Variants in PARD3B observed in about 807,000 individuals in gnomAD.
PARD3B encodes the protein par-3 family cell polarity regulator beta, also known as partitioning defective 3 homolog B.
A neutral mutation model predicts 130.2 loss-of-function variants in PARD3B; 103 were observed. The ratio of observed to expected loss-of-function variants is 0.79; its 90% CI spans 0.67 to 0.93. PARD3B has a LOEUF of 0.93. PARD3B is among the 40% of genes least tolerant of loss of function. PARD3B has a pLI of 0.00. For synonymous variants in PARD3B, 583 were observed against 553.2 expected, an observed-to-expected ratio of 1.05 and a Z score of -0.76; for missense variants, 1,609 against 1,499.2, an observed-to-expected ratio of 1.07 and a Z score of -1.21.
rs1047177201 is a variant in PARD3B, at chr2:205,325,101, C to A, written c.2630+23400C>A. ...ATTTCTCCCCAAATTAAAGCAATGA[C>A]CTTCTGAATAGTCTTGATATTCTCT... is the stretch of plus-strand genomic sequence containing the variant. On this transcript the variant is annotated intron_variant, in intron 18 of 22. Coordinates refer to ENST00000406610, the MANE Select transcript of PARD3B (RefSeq NM_001302769.2). The surrounding 1 kb of genome is among the most constrained non-coding windows in gnomAD (Gnocchi z 4.1). Among the ~76,000 whole-genome samples the A allele has an allele frequency of 6.6e-6, 1 of 152,122 alleles. No individual in the cohort carries two copies. The highest frequency in any genetic ancestry group is 2.4e-5 in the African/African-American group (1 of 41,436).
At chr2:204,742,260 AT>A (rs1314918970) in intron 2 of PARD3B, among the ~76,000 whole-genome samples, 1 of 152,210 alleles carries the variant, frequency 6.6e-6, no homozygotes, top group Non-Finnish European at 1.5e-5. Context: ...GTATATGTAC[AT>A]AGTCACATAT....
chr2:204,631,161 A>G (rs946774171), intron 1 of PARD3B, among the ~76,000 whole-genome samples: 2 of 151,722 alleles, frequency 1.3e-5, no homozygotes, highest in Non-Finnish European at 1.5e-5. Flanking sequence ...TCTTTTTCTC[A>G]TTAGTTTCAA....
chr2:204,966,313 A>G (rs1691243968), intron 3 of PARD3B, among the ~76,000 whole-genome samples: 1 of 152,186 alleles, frequency 6.6e-6, no homozygotes, highest in Admixed American at 6.5e-5. Flanking sequence ...ATGGAAATTA[A>G]TGACCTATGG....
chr2:205,523,817 TTTTTTTTTTTTTTTTTTGAGTAA>T (rs1318259677), intron 21 of PARD3B, among the ~76,000 whole-genome samples: 5 of 47,564 alleles, frequency 1.1e-4, no homozygotes, highest in African/African-American at 3.1e-4. Flanking sequence ...CTGATAACCT[TTTTTTTTTTTTTTTTTTGAGTAA>T]TTTTAGTTCA....
At chr2:204,835,817 G>A (rs1008826771) in intron 2 of PARD3B, among the ~76,000 whole-genome samples, 1 of 152,202 alleles carries the variant, frequency 6.6e-6, no homozygotes, top group African/African-American at 2.4e-5. Flanking sequence ...TAGGTTTTGT[G>A]TTAAATGATT....
At chr2:205,198,659 A>T (rs1166256065) in intron 15 of PARD3B, among the ~76,000 whole-genome samples, 1 of 152,122 alleles carries the variant, frequency 6.6e-6, no homozygotes, top group Non-Finnish European at 1.5e-5. Flanking sequence ...CTTAGACAGT[A>T]CATTTCTAGT....
intron 2 of PARD3B, among the ~76,000 whole-genome samples, chr2:204,874,414 G>T (rs536084087): frequency 6.6e-6 from 1 of 152,168 alleles, no homozygotes; most frequent in South Asian, 2.1e-4. Flanking sequence ...GCTTAAAATG[G>T]GTAAAGAACC....
chr2:204,870,502 A>C (rs1437956365), intron 2 of PARD3B, among the ~76,000 whole-genome samples: 1 of 152,154 alleles, frequency 6.6e-6, no homozygotes, highest in Non-Finnish European at 1.5e-5. Context: ...ATAGGTGGTC[A>C]TGTCTCTATC....
intron 16 of PARD3B, among the ~76,000 whole-genome samples, chr2:205,272,208 G>A (rs2040757465): frequency 6.6e-6 from 1 of 151,462 alleles, no homozygotes; most frequent in Non-Finnish European, 1.5e-5. Context: ...TTCTGAATGG[G>A]TGATAACAAG....
chr2:205,557,685 C>T (rs1229234521), intron 22 of PARD3B, among the ~76,000 whole-genome samples: 7 of 152,166 alleles, frequency 4.6e-5, no homozygotes, highest in African/African-American at 1.7e-4. Flanking sequence ...TACAATAATA[C>T]AAGCAAAACC....
intron 2 of PARD3B, among the ~76,000 whole-genome samples, chr2:204,812,035 T>G (rs1169000356): frequency 6.6e-6 from 1 of 152,180 alleles, no homozygotes; most frequent in East Asian, 1.9e-4. Flanking sequence ...TTAATAATTT[T>G]TCTCCCATGC....
intron 22 of PARD3B, among the ~76,000 whole-genome samples, chr2:205,599,823 C>G (rs896142665): frequency 6.6e-6 from 1 of 152,138 alleles, no homozygotes; most frequent in East Asian, 1.9e-4. Context: ...CTTGCACATG[C>G]CTGGGCTGCC....
At chr2:204,998,339 T>TACAC (rs1162367560) in intron 3 of PARD3B, among the ~76,000 whole-genome samples, 1 of 64,988 alleles carries the variant, frequency 1.5e-5, no homozygotes, top group East Asian at 3.3e-4. Flanking sequence ...TATATATATA[T>TACAC]ATATATATAT....
chr2:205,230,872 G>A lies in PARD3B; in HGVS notation c.2141-14906G>A, dbSNP rs1289927878. Among the ~76,000 whole-genome samples, 1 of 152,024 alleles carries A rather than the reference G, an allele frequency of 6.6e-6. No individual in the cohort carries two copies. The highest frequency in any genetic ancestry group is 1.5e-5 in the Non-Finnish European group (1 of 67,998). On this transcript the variant is annotated intron_variant, in intron 15 of 22. Transcript: ENST00000406610. This position sits in a 1 kb window ranked among gnomAD's most constrained non-coding sequence, Gnocchi z 4.1. ...CTGAGTGCTCCCTCCATGGACTCTG[G>A]CTGTGTTCTGCCTGGTGTTGCTTTC...
chr2:204,555,647 C>A lies in PARD3B; in HGVS notation c.120+9528C>A, dbSNP rs530523836. 4.6e-5 allele frequency among the ~76,000 whole-genome samples: 7 copies of A among 152,270 alleles called. No homozygotes were observed. In the South Asian group the frequency reaches 1.5e-3, roughly 32 times the overall value. Reference sequence around the variant, plus strand: ...TCGAACCTGGAAGGTCTTGAGGACTCCAGCACCCTATATTTGACCTCTCTG... The same window carrying A: ...TCGAACCTGGAAGGTCTTGAGGACTACAGCACCCTATATTTGACCTCTCTG... On this transcript the variant is annotated intron_variant, in intron 1 of 22. Coordinates refer to ENST00000406610, the MANE Select transcript of PARD3B (RefSeq NM_001302769.2).
chr2:204,620,766 A>G (rs192959818), intron 1 of PARD3B, among the ~76,000 whole-genome samples: 11 of 152,254 alleles, frequency 7.2e-5, no homozygotes, highest in Non-Finnish European at 1.3e-4. Flanking sequence ...GATGGGAAGT[A>G]TGTACTTTCA....
chr2:205,478,887 T>C (rs1385866583), intron 20 of PARD3B, among the ~76,000 whole-genome samples: 1 of 152,194 alleles, frequency 6.6e-6, no homozygotes, highest in East Asian at 1.9e-4. Context: ...AGCACACATA[T>C]ATTCCATGAG....
At chr2:204,891,581 G>T (rs2125689789) in intron 2 of PARD3B, among the ~76,000 whole-genome samples, 1 of 152,262 alleles carries the variant, frequency 6.6e-6, no homozygotes, top group Non-Finnish European at 1.5e-5. Flanking sequence ...TCACTGGAGA[G>T]ATTCTAATAT....
At chr2:205,171,863 C>T (rs989478081) in intron 11 of PARD3B, among the ~76,000 whole-genome samples, 3 of 152,204 alleles carry the variant, frequency 2.0e-5, no homozygotes, top group African/African-American at 7.2e-5. Context: ...AAACCCCCTT[C>T]CCTTGAGTCA....
Sources: allele counts gnomAD v4.1 joint callset (sites outside exome capture counted in the v4.1 genomes callset), GRCh38; gene constraint gnomAD v4.1.1; non-coding constraint Gnocchi (gnomAD v3.1); transcripts MANE v1.5; gene names NCBI Gene and HGNC (gene_info 2026-07-23, HGNC 2026-07-21).